Variants in SLC44A2 observed in about 807,000 individuals in gnomAD.
SLC44A2 encodes the protein solute carrier family 44 member 2 (CTL2 blood group).
SLC44A2 carries 57 observed loss-of-function variants against 90.8 expected under a neutral mutation model. The ratio of observed to expected loss-of-function variants is 0.63; its 90% confidence interval spans 0.51 to 0.78. SLC44A2 has a LOEUF of 0.78. Ranked by LOEUF, SLC44A2 falls within the 30% of genes least tolerant of loss-of-function variation. The pLI is 0.00. For missense variants in SLC44A2, 794 were observed against 919.7 expected (o/e 0.86, Z 1.77); for synonymous variants, 355 against 360.7 (o/e 0.98, Z 0.18).
At chr19:10,622,985 C>A (rs930341139), upstream of SLC44A2, among the ~76,000 whole-genome samples, 8 of 152,218 alleles carry the variant, frequency 5.3e-5, no homozygotes, top group Admixed American at 2.0e-4. Flanking sequence ...CATAGGTGTG[C>A]AGCTCAGAGA....
Position 10,642,363 on chromosome 19 carries a change from C to T in SLC44A2, c.1930-4C>T, listed in dbSNP as rs1419830667. 1.9e-6 allele frequency: 3 copies of T among 1,613,838 alleles called. No individual in the cohort carries two copies. Among genetic ancestry groups the T allele is most frequent in the Non-Finnish European group, 2.5e-6 (3 of 1,179,940 alleles). Reference sequence around the variant, plus strand: ...GCAGGGACAGCTCGTTTCTCCTTGCCCAGACGGTGATCGTTGGCTCCTACT... The same window carrying T: ...GCAGGGACAGCTCGTTTCTCCTTGCTCAGACGGTGATCGTTGGCTCCTACT... On this transcript the variant is annotated splice_polypyrimidine_tract_variant and splice_region_variant and intron_variant, in intron 20 of 21. Transcript: ENST00000335757.
In SLC44A2 at chr19:10,636,592, T is replaced by C. The variant is rs2067057987; in HGVS notation, c.1496+7T>C. On this transcript the variant is annotated splice_region_variant and intron_variant, in intron 15 of 21. Coordinates refer to ENST00000335757, the MANE Select transcript of SLC44A2 (RefSeq NM_020428.4). The stretch of plus-strand genomic sequence containing the variant: ...CCTTTGGCCGGGCGCTCAGGTGGGC[T>C]GGCGTTGCAGGCAGGATGGGGTGGA... 1.9e-6 allele frequency: 3 copies of C among 1,604,256 alleles called. No homozygotes were observed. Among genetic ancestry groups the C allele is most frequent in the African/African-American group, 1.3e-5 (1 of 74,936 alleles).
intron 1 of SLC44A2, among the ~76,000 whole-genome samples, chr19:10,603,433 G>A (rs929384187): frequency 6.6e-6 from 1 of 152,178 alleles, no homozygotes; most frequent in Non-Finnish European, 1.5e-5. Flanking sequence ...GCACTGTCGC[G>A]CCCCTCTTTG....
At chr19:10,638,793 C>T (rs937441046) in intron 20 of SLC44A2, among the ~76,000 whole-genome samples, 45 of 151,290 alleles carry the variant, frequency 3.0e-4, no homozygotes, top group Middle Eastern at 6.9e-3. Flanking sequence ...TGCCACCACA[C>T]CTGGCTAACT....
chr19:10,627,637 G>A, intron 2 of SLC44A2, 85 bp from the exon 3 acceptor site: 1 of 1,414,444 alleles, frequency 7.1e-7, no homozygotes, highest in South Asian at 1.2e-5. Flanking sequence ...AATAACACAT[G>A]GATGAGGGTG....
intron 1 of SLC44A2, among the ~76,000 whole-genome samples, chr19:10,616,915 C>CT (rs1437384297): frequency 1.3e-5 from 2 of 151,550 alleles, no homozygotes; most frequent in African/African-American, 2.4e-5. Flanking sequence ...GCTTGTTCTT[C>CT]TTATCTTTTA....
At chr19:10,619,519 A>T (rs2066882123) in intron 1 of SLC44A2, among the ~76,000 whole-genome samples, 1 of 151,986 alleles carries the variant, frequency 6.6e-6, no homozygotes, top group Non-Finnish European at 1.5e-5. Flanking sequence ...CAAAAAAGAA[A>T]AAATATTTTT....
chr19:10,607,451 A>G (rs1302338931), intron 1 of SLC44A2, among the ~76,000 whole-genome samples: 1 of 151,614 alleles, frequency 6.6e-6, no homozygotes, highest in African/African-American at 2.4e-5. Flanking sequence ...CCTGGGCTCA[A>G]GTGATCCTCC....
Position 10,636,747 on chromosome 19 carries a change from C to G in SLC44A2, c.1582C>G (p.Arg528Gly). Residue 528 changes from arginine to glycine, a missense_variant, in exon 16 of 22, where the codon CGG (arginine) becomes GGG (glycine). Transcript: ENST00000335757. ...TGTGATACTCGAGTACCTGGATCAG[C>G]GGCTGAAAGGTACGTCCCACCCACG... Reference protein sequence around the residue: ...IRVILEYLDQRLKAAENKFAK... With the variant: ...IRVILEYLDQGLKAAENKFAK... 6.2e-7 allele frequency: 1 copy of G among 1,613,484 alleles called. No homozygotes were observed. Among genetic ancestry groups the G allele is most frequent in the Non-Finnish European group, 8.5e-7 (1 of 1,179,668 alleles).
intron 14 of SLC44A2, chr19:10,636,065 C>A: frequency 2.0e-6 from 1 of 500,726 alleles, no homozygotes; most frequent in Non-Finnish European, 3.5e-6. Flanking sequence ...GTGTGAGCCA[C>A]CTCGCCCGGC....
At chr19:10,628,353 T>A (rs1376905695) in intron 4 of SLC44A2, among the ~76,000 whole-genome samples, 1 of 152,138 alleles carries the variant, frequency 6.6e-6, no homozygotes, top group Non-Finnish European at 1.5e-5. Context: ...GCCACTGCAC[T>A]TTAGCCTGGG....
At chr19:10,615,968 C>T (rs1042951940) in intron 1 of SLC44A2, among the ~76,000 whole-genome samples, 10 of 151,944 alleles carry the variant, frequency 6.6e-5, no homozygotes, top group African/African-American at 2.2e-4. Flanking sequence ...TAGAGACCAG[C>T]CTGGGCAACA....
intron 1 of SLC44A2, among the ~76,000 whole-genome samples, chr19:10,616,399 T>C (rs1241539704): frequency 1.3e-5 from 2 of 151,762 alleles, no homozygotes; most frequent in Admixed American, 6.6e-5. Flanking sequence ...CCCAGTTAAT[T>C]TTTGTTTTTT....
At position 10,631,963 on chromosome 19, in the gene SLC44A2, G is replaced by C; in HGVS notation, c.710+12G>C. On this transcript the variant is annotated intron_variant, in intron 9 of 21. Transcript: ENST00000335757. ...TACTGGATTATCATGTAAGTCAGGAGGGAAGGGGCCTCTCCCCTGGCTGCC... is the reference window on the plus strand; with the variant it reads ...TACTGGATTATCATGTAAGTCAGGACGGAAGGGGCCTCTCCCCTGGCTGCC... The C allele has an allele frequency of 6.2e-7, 1 of 1,614,094 alleles. No homozygotes were observed. The highest frequency in any genetic ancestry group is 8.5e-7 in the Non-Finnish European group (1 of 1,179,930).
At chr19:10,613,490 A>G (rs2066830218) in intron 1 of SLC44A2, among the ~76,000 whole-genome samples, 1 of 152,200 alleles carries the variant, frequency 6.6e-6, no homozygotes, top group Admixed American at 6.6e-5. Context: ...ACCTCAAGTA[A>G]TCTGCCTGCC....
At position 10,636,498 on chromosome 19, in the gene SLC44A2, G is replaced by A. The variant is rs1311446726; in HGVS notation, c.1409G>A (p.Gly470Glu). 6.2e-7 allele frequency: 1 copy of A among 1,612,658 alleles called. No homozygotes were observed. Among genetic ancestry groups the A allele is most frequent in the Admixed American group, 1.7e-5 (1 of 60,016 alleles). ...VLALGQVTLA[G>E]AFASYYWALR... The stretch of plus-strand genomic sequence containing the variant: ...GCGCTGGGCCAGGTCACGCTGGCCG[G>A]GGCCTTTGCCTCCTACTACTGGGCC... Residue 470 changes from glycine (G) to glutamate (E), a missense_variant, in exon 15 of 22, where the codon GGG becomes GAG. This residue lies in a region of SLC44A2 where 738 missense variants were observed against 841.1 expected (regional missense o/e 0.88). Coordinates refer to ENST00000335757, the MANE Select transcript of SLC44A2 (RefSeq NM_020428.4).
At chr19:10,636,127 T>C (rs2067051650) in intron 14 of SLC44A2, 196 bp from the exon 15 acceptor site, 1 of 652,408 alleles carries the variant, frequency 1.5e-6, no homozygotes, top group Non-Finnish European at 2.5e-6. Flanking sequence ...TTGACCCCAG[T>C]GATGGCCACG....
intron 10 of SLC44A2, among the ~76,000 whole-genome samples, 183 bp downstream of exon 10, chr19:10,632,339 C>T (rs983265494): frequency 2.0e-5 from 3 of 151,878 alleles, no homozygotes; most frequent in Non-Finnish European, 4.4e-5. Context: ...GAGTTCAAGA[C>T]CAGCCTGACC....
chr19:10,620,932 G>C (rs115075894), upstream of SLC44A2, among the ~76,000 whole-genome samples: 8,921 of 152,112 alleles, frequency 0.059, 325 homozygotes, highest in South Asian at 0.11. Flanking sequence ...ACAGCTACTT[G>C]GGAGGCTGAG....
Sources: gnomAD v4.1 joint callset for allele counts (sites outside exome capture counted in the v4.1 genomes callset) on GRCh38, gnomAD v4.1.1 for gene constraint, gnomAD v4.1.1 regional missense constraint, MANE v1.5 for transcripts, NCBI Gene and HGNC (gene_info 2026-07-23, HGNC 2026-07-21) for gene names.